Variants in PPP2R3A observed in about 807,000 individuals in gnomAD.
PPP2R3A encodes the protein protein phosphatase 2 regulatory subunit B''alpha, also known as serine/threonine-protein phosphatase 2A regulatory subunit B'' subunit alpha.
A neutral mutation model predicts 106.9 loss-of-function variants in PPP2R3A; 80 were observed. The ratio of observed to expected loss-of-function variants is 0.75; its 90% CI spans 0.62 to 0.90. The LOEUF (loss-of-function observed/expected upper bound fraction) is 0.90. PPP2R3A is among the 40% of genes least tolerant of loss of function. The pLI is 0.00. For synonymous variants in PPP2R3A, 483 were observed against 468.3 expected (o/e 1.03, Z -0.41); for missense variants, 1,386 against 1,350.4 (o/e 1.03, Z -0.41).
At chr3:136,000,102 T>C (rs1933563851) in intron 1 of PPP2R3A, among the ~76,000 whole-genome samples, 1 of 152,198 alleles carries the variant, frequency 6.6e-6, no homozygotes, top group Non-Finnish European at 1.5e-5. Flanking sequence ...AGGTCTCTGC[T>C]TTTCAGATGT....
chr3:136,070,188 G>A (rs1936381959), intron 5 of PPP2R3A, among the ~76,000 whole-genome samples: 1 of 152,164 alleles, frequency 6.6e-6, no homozygotes, highest in Non-Finnish European at 1.5e-5. Context: ...TTGATGTGCT[G>A]TTGATGTGTT....
intron 6 of PPP2R3A, among the ~76,000 whole-genome samples, chr3:136,071,146 C>G (rs1936418031): frequency 6.6e-6 from 1 of 152,240 alleles, no homozygotes; most frequent in Non-Finnish European, 1.5e-5. Flanking sequence ...TGCTCTAGCT[C>G]CCACATTATC....
At chr3:136,124,002 G>C (rs1425618327) in intron 13 of PPP2R3A, among the ~76,000 whole-genome samples, 1 of 152,094 alleles carries the variant, frequency 6.6e-6, no homozygotes, top group Non-Finnish European at 1.5e-5. Context: ...GATAAAATAA[G>C]ACTTGATAAA....
intron 13 of PPP2R3A, among the ~76,000 whole-genome samples, chr3:136,130,220 C>A (rs367676599): frequency 6.6e-6 from 1 of 152,158 alleles, no homozygotes; most frequent in South Asian, 2.1e-4. Flanking sequence ...AAGAGGAAGT[C>A]AAATTGTCCC....
rs990771352 is a variant in PPP2R3A at position 136,061,402 on chromosome 3, C to T, written c.2470-9076C>T. Among the ~76,000 whole-genome samples, 5 of 151,456 alleles carry T rather than the reference C, an allele frequency of 3.3e-5. No homozygotes were observed. In the South Asian group the frequency reaches 8.4e-4, roughly 25 times the overall value. ...CAACACTTTGGGAAGCCAAGGCGGG[C>T]GGATCACTTGAGGTCAGGAGTTTGA... is the stretch of plus-strand genomic sequence containing the variant. On this transcript the variant is annotated intron_variant, in intron 5 of 13. Coordinates refer to ENST00000264977, the MANE Select transcript of PPP2R3A (RefSeq NM_002718.5).
intron 13 of PPP2R3A, among the ~76,000 whole-genome samples, chr3:136,116,738 T>A (rs111970237): frequency 0.045 from 6,794 of 152,236 alleles, 526 homozygotes; most frequent in African/African-American, 0.15. Context: ...CCAGATTCAT[T>A]AAGCAAGTTC....
chr3:136,058,809 A>G (rs567825466), intron 5 of PPP2R3A, among the ~76,000 whole-genome samples: 7 of 152,324 alleles, frequency 4.6e-5, no homozygotes, highest in East Asian at 1.9e-4. Flanking sequence ...ACATAGACCA[A>G]TGGAACAGAA....
chr3:136,000,846 G>A lies in PPP2R3A; in HGVS notation c.-440-213G>A, dbSNP rs140838851. On this transcript the variant is annotated intron_variant, in intron 1 of 13. Transcript: ENST00000264977. The stretch of plus-strand genomic sequence containing the variant: ...CATGCAATAAGAAATTCATCTCAGA[G>A]GCAGATGTGACAAGGCAGAGTTGAG... 3.5e-3 allele frequency among the ~76,000 whole-genome samples: 539 copies of A among 152,208 alleles called. 4 individuals are homozygous for A. The highest frequency in any genetic ancestry group is 0.012 in the African/African-American group (502 of 41,524).
chr3:136,123,308 T>C (rs1171395941), intron 13 of PPP2R3A, among the ~76,000 whole-genome samples: 1 of 152,174 alleles, frequency 6.6e-6, no homozygotes, highest in Non-Finnish European at 1.5e-5. Context: ...ATGGGTAGCA[T>C]ATGATAAAGA....
rs1933650986 is a variant in PPP2R3A, at chr3:136,002,132, A to T, written c.634A>T (p.Thr212Ser). Residue 212 changes from threonine to serine, a missense_variant, in exon 2 of 14, where the codon ACT becomes TCT. By Grantham distance (58) the Thr-to-Ser change is moderately conservative (BLOSUM62 1). Transcript: ENST00000264977. ...LQNFSEEDLV[T>S]QILEKHKIDN... ...AAACTTTTCTGAAGAAGACTTGGTT[A>T]CTCAGATTTTGGAAAAACATAAAAT... The T allele has an allele frequency of 6.2e-7, 1 of 1,613,954 alleles. No homozygotes were observed.
chr3:136,113,208 A>C (rs1576320233), intron 13 of PPP2R3A, among the ~76,000 whole-genome samples: 1 of 152,276 alleles, frequency 6.6e-6, no homozygotes, highest in East Asian at 1.9e-4. Flanking sequence ...ACACTACCCA[A>C]TTCAAACTAT....
In PPP2R3A at chr3:136,070,921, A is replaced by G. The variant is rs79940732; in HGVS notation, c.2544+369A>G. 4.1e-4 allele frequency among the ~76,000 whole-genome samples: 62 copies of G among 152,346 alleles called. No individual in the cohort carries two copies. The East Asian group carries it at 8.9e-3, about 22-fold the overall frequency. The stretch of plus-strand genomic sequence containing the variant: ...AAAAAGATTGGTCTCTAGTACCTCA[A>G]AGTTAGAACTGGACATGATAATGAG... On this transcript the variant is annotated intron_variant, in intron 6 of 13. Transcript: ENST00000264977.
chr3:135,995,447 A>ATTTTTTTTTTTTTTTTTTTT (rs60359404), intron 1 of PPP2R3A, among the ~76,000 whole-genome samples: 1 of 87,306 alleles, frequency 1.1e-5, no homozygotes, highest in African/African-American at 4.6e-5. Context: ...ACGTTGACAG[A>ATTTTTTTTTTTTTTTTTTTT]TTTTTTTTTT....
chr3:136,027,463 A>C (rs1468600875), intron 3 of PPP2R3A, among the ~76,000 whole-genome samples: 1 of 152,156 alleles, frequency 6.6e-6, no homozygotes, highest in Non-Finnish European at 1.5e-5. Context: ...TAACTGCCCT[A>C]ATGCCAGACA....
intron 2 of PPP2R3A, among the ~76,000 whole-genome samples, chr3:136,012,328 A>G (rs1406000174): frequency 6.6e-6 from 1 of 152,162 alleles, no homozygotes; most frequent in Non-Finnish European, 1.5e-5. Context: ...AGATCCTAGA[A>G]CAACATCTAC....
intron 13 of PPP2R3A, among the ~76,000 whole-genome samples, chr3:136,141,416 A>G (rs1938867940): frequency 6.6e-6 from 1 of 152,210 alleles, no homozygotes. Flanking sequence ...AGCAGGGGCC[A>G]GATCATGCAG....
intron 13 of PPP2R3A, among the ~76,000 whole-genome samples, chr3:136,143,800 A>C (rs1035744716): frequency 5.3e-5 from 8 of 152,080 alleles, no homozygotes; most frequent in Non-Finnish European, 5.9e-5. Flanking sequence ...CAAAAGAAAA[A>C]ACACACACAA....
At position 136,078,422 on chromosome 3, in the gene PPP2R3A, C is replaced by T. The variant is rs147986508; in HGVS notation, c.2600C>T (p.Ser867Leu). Residue 867 changes from serine (S) to leucine (L), a missense_variant, in exon 7 of 14, where the codon TCG becomes TTG. By Grantham distance (145) the Ser-to-Leu change is moderately radical. Coordinates refer to ENST00000264977, the MANE Select transcript of PPP2R3A (RefSeq NM_002718.5). Reference protein sequence around the residue: ...VNRSWSGKITSTEIRKSNFLQ... With the variant: ...VNRSWSGKITLTEIRKSNFLQ... ...AGATCTTGGAGTGGAAAAATTACTT[C>T]GACAGAGATAAGAAAAAGCAACTTT... 2.7e-5 allele frequency: 44 copies of T among 1,610,234 alleles called. No individual in the cohort carries two copies. Among genetic ancestry groups the T allele is most frequent in the African/African-American group, 1.5e-4 (11 of 74,896 alleles).
At chr3:135,992,622 A>G (rs1559855859) in intron 1 of PPP2R3A, among the ~76,000 whole-genome samples, 1 of 152,188 alleles carries the variant, frequency 6.6e-6, no homozygotes, top group Non-Finnish European at 1.5e-5. Flanking sequence ...TTAGGGAGAG[A>G]CACCCCAAAA....
Sources: allele counts gnomAD v4.1 joint callset (sites outside exome capture counted in the v4.1 genomes callset), GRCh38; gene constraint gnomAD v4.1.1; transcripts MANE v1.5; gene names NCBI Gene and HGNC (gene_info 2026-07-23, HGNC 2026-07-21).